ARFIP1: variants seen among roughly 807,000 people sequenced by gnomAD.
ARFIP1 encodes the protein ARF interacting protein 1.
Under a neutral mutation model 42.5 loss-of-function variants are expected in ARFIP1, and 24 were observed. The ratio of observed to expected loss-of-function variants is 0.57; its 90% CI spans 0.41 to 0.80. The LOEUF is 0.80. Among genes scored for constraint, ARFIP1 ranks in the 30% least tolerant of loss-of-function variants. ARFIP1 has a pLI of 0.00. For synonymous variants in ARFIP1, 141 were observed against 153.7 expected (o/e 0.92, Z 0.61); for missense variants, 354 against 434.0 (o/e 0.82, Z 1.64).
chr4:152,888,190 C>T lies in ARFIP1; in HGVS notation c.849C>T (p.Asp283=), dbSNP rs76726136. The change falls in exon 8 of 9, where the codon GAC becomes GAT. Residue 283 remains aspartate, a synonymous_variant. Transcript: ENST00000353617. ...AAGAACTGAATCTTGGACCACGTGACGCAAACACTCTGCCAAAGATTGAGC... is the reference window on the plus strand; with the variant it reads ...AAGAACTGAATCTTGGACCACGTGATGCAAACACTCTGCCAAAGATTGAGC... The part of the protein sequence containing the change: ...DLEELNLGPR[D]ANTLPKIEQS... 4,207 of 1,611,914 alleles carry T rather than the reference C, an allele frequency of 2.6e-3. 95 individuals are homozygous for T. In the African/African-American group the frequency reaches 0.049, roughly 19 times the overall value.
chr4:152,816,289 A>T (rs1357994212), intron 1 of ARFIP1, among the ~76,000 whole-genome samples: 1 of 152,232 alleles, frequency 6.6e-6, no homozygotes, highest in Non-Finnish European at 1.5e-5. Flanking sequence ...AGTTCTCGTG[A>T]TAATTTTTGA....
At chr4:152,893,414 T>A (rs1294843878) in intron 8 of ARFIP1, among the ~76,000 whole-genome samples, 1 of 152,182 alleles carries the variant, frequency 6.6e-6, no homozygotes, top group Non-Finnish European at 1.5e-5. Flanking sequence ...ACTCATGTTT[T>A]TTTTTTAGAT....
intron 1 of ARFIP1, among the ~76,000 whole-genome samples, chr4:152,785,120 G>T (rs1162690174): frequency 6.6e-6 from 1 of 152,224 alleles, no homozygotes; most frequent in Non-Finnish European, 1.5e-5. Flanking sequence ...GGAAGCTGTG[G>T]AGTGGGGGAA....
At chr4:152,838,411 G>GCC (rs1731822597) in intron 2 of ARFIP1, among the ~76,000 whole-genome samples, 1 of 152,110 alleles carries the variant, frequency 6.6e-6, no homozygotes, top group Non-Finnish European at 1.5e-5. Flanking sequence ...ATGAGTATGG[G>GCC]ATGTGTTTCC....
chr4:152,904,372 T>C (rs2149912611), intron 8 of ARFIP1, among the ~76,000 whole-genome samples: 1 of 151,984 alleles, frequency 6.6e-6, no homozygotes, highest in African/African-American at 2.4e-5. Flanking sequence ...TTCGTATTTT[T>C]AGTAGAGACA....
chr4:152,905,267 C>CAGAA (rs977778330), intron 8 of ARFIP1, among the ~76,000 whole-genome samples: 1 of 152,106 alleles, frequency 6.6e-6, no homozygotes, highest in Non-Finnish European at 1.5e-5. Context: ...AACTGACAAA[C>CAGAA]TTTTCTAAGA....
chr4:152,860,935 A>G (rs1733844041), intron 2 of ARFIP1, among the ~76,000 whole-genome samples: 1 of 152,222 alleles, frequency 6.6e-6, no homozygotes, highest in African/African-American at 2.4e-5. Flanking sequence ...TTGCTTTTCC[A>G]TTCTTAGGTG....
intron 1 of ARFIP1, among the ~76,000 whole-genome samples, chr4:152,818,875 C>T (rs1213494813): frequency 6.6e-6 from 1 of 152,156 alleles, no homozygotes; most frequent in East Asian, 1.9e-4. Flanking sequence ...CACGCAGATT[C>T]TTTTGTACAA....
At chr4:152,808,591 T>G (rs1421544978) in intron 1 of ARFIP1, among the ~76,000 whole-genome samples, 1 of 152,044 alleles carries the variant, frequency 6.6e-6, no homozygotes, top group Non-Finnish European at 1.5e-5. Flanking sequence ...TACCAACTTT[T>G]ACTTGTACCA....
rs143732329 is a variant in ARFIP1, at chr4:152,780,551, C to T, written c.-10+325C>T. Reference sequence around the variant, plus strand: ...ATCCGGACCTTTCTTGACAAAGTGTCGGAGTGGGCCACCTTCAGGCTTGCT... The same window carrying T: ...ATCCGGACCTTTCTTGACAAAGTGTTGGAGTGGGCCACCTTCAGGCTTGCT... On this transcript the variant is annotated intron_variant, in intron 1 of 8. Coordinates refer to ENST00000353617, the MANE Select transcript of ARFIP1 (RefSeq NM_001025595.3). Among the ~76,000 whole-genome samples, 452 of 152,256 alleles carry T rather than the reference C, an allele frequency of 3.0e-3. 6 individuals carry two copies. The highest frequency in any genetic ancestry group is 0.012 in the East Asian group (60 of 5,174).
chr4:152,863,558 T>A (rs960579003), intron 2 of ARFIP1, 48 bp from the exon 3 acceptor site: 1 of 1,043,192 alleles, frequency 9.6e-7, no homozygotes, highest in Non-Finnish European at 1.5e-6. Context: ...TGTTACGTCA[T>A]GTGGGATTTT....
rs966255370 is a variant in ARFIP1 at position 152,911,469 on chromosome 4, T to A, written c.*1250T>A. ...TTTAGTTGCTCGGCACTGTTGGTTT[T>A]GTTTTAATGTGGTTGCCCTGTCCAC... On this transcript the variant is annotated 3_prime_UTR_variant, in exon 9 of 9. Transcript: ENST00000353617. The A allele has an allele frequency of 3.3e-5, 5 of 152,324 alleles. No individual in the cohort carries two copies. The highest frequency in any genetic ancestry group is 2.0e-4 in the Admixed American group (3 of 15,276). The allele number at this position is 152,324 out of a possible 1,614,324, so 9.4% of individuals were successfully genotyped here.
chr4:152,813,881 T>C (rs1378985994), intron 1 of ARFIP1, among the ~76,000 whole-genome samples: 1 of 152,184 alleles, frequency 6.6e-6, no homozygotes, highest in Non-Finnish European at 1.5e-5. Context: ...CCAAGTTATT[T>C]ACCGTTTCAC....
chr4:152,816,711 G>A (rs750572305), intron 1 of ARFIP1, among the ~76,000 whole-genome samples: 2 of 152,206 alleles, frequency 1.3e-5, no homozygotes, highest in African/African-American at 4.8e-5. Flanking sequence ...AAAATATACT[G>A]TATGTCTGAA....
Position 152,839,759 on chromosome 4 carries a change from TTTG to T in ARFIP1, c.93+10042_93+10044del, listed in dbSNP as rs1375895146. Among the ~76,000 whole-genome samples, 16 of 152,344 alleles carry T rather than the reference TTTG, an allele frequency of 1.1e-4. No individual in the cohort carries two copies. The South Asian group carries it at 2.5e-3, about 24-fold the overall frequency. On this transcript the variant is annotated intron_variant, in intron 2 of 8. Coordinates refer to ENST00000353617, the MANE Select transcript of ARFIP1 (RefSeq NM_001025595.3). ...TTGTTTCATTTATCATTTGTATTTT[TTTG>T]TTGTTGTTTGTTTCAATTTCATTTA...
At chr4:152,891,428 G>A (rs770709902) in intron 8 of ARFIP1, among the ~76,000 whole-genome samples, 15 of 152,134 alleles carry the variant, frequency 9.9e-5, no homozygotes, top group Non-Finnish European at 1.9e-4. Context: ...TTGTCATTTA[G>A]AAGAAGACAG....
chr4:152,810,913 C>T (rs911905398), intron 1 of ARFIP1, among the ~76,000 whole-genome samples: 4 of 151,890 alleles, frequency 2.6e-5, no homozygotes, highest in African/African-American at 9.7e-5. Context: ...CTGTGCTTAT[C>T]TCTACTATAT....
chr4:152,899,427 ACTTCT>A (rs2149907886), intron 8 of ARFIP1, among the ~76,000 whole-genome samples: 1 of 152,230 alleles, frequency 6.6e-6, no homozygotes, highest in Admixed American at 6.5e-5. Context: ...TGATTGTCAA[ACTTCT>A]CTGTTAGGTT....
chr4:152,808,044 G>A (rs904627545), intron 1 of ARFIP1, among the ~76,000 whole-genome samples: 2 of 151,914 alleles, frequency 1.3e-5, no homozygotes, highest in African/African-American at 4.8e-5. Flanking sequence ...GCAGTGGCAC[G>A]ATCTTGGCTC....
Sources: allele counts gnomAD v4.1 joint callset (sites outside exome capture counted in the v4.1 genomes callset), GRCh38; gene constraint gnomAD v4.1.1; transcripts MANE v1.5; gene names NCBI Gene and HGNC (gene_info 2026-07-23, HGNC 2026-07-21).